Variants in EPB41L3 observed in about 807,000 individuals in gnomAD.
The protein encoded by EPB41L3 is band 4.1-like protein 3.
In EPB41L3, 57 loss-of-function variants were observed where a neutral mutation model predicts 127.1. The observed-to-expected ratio is 0.45, with a 90% CI of 0.36 to 0.56. EPB41L3 has a LOEUF of 0.56. Among genes scored for constraint, EPB41L3 ranks in the 20% least tolerant of loss-of-function variants. The pLI, the probability that EPB41L3 is intolerant of heterozygous loss-of-function variation, is 0.00. For synonymous variants in EPB41L3, 572 were observed against 549.5 expected (o/e 1.04, Z -0.57); for missense variants, 1,273 against 1,372.2 (o/e 0.93, Z 1.14).
At chr18:5,608,523 G>A (rs748960740) in intron 3 of EPB41L3, among the ~76,000 whole-genome samples, 8 of 152,112 alleles carry the variant, frequency 5.3e-5, no homozygotes, top group Non-Finnish European at 8.8e-5. Flanking sequence ...CTATTTTTAG[G>A]ATGAGAGATT....
At chr18:5,398,276 G>A (rs2073923798) in intron 16 of EPB41L3, 133 bp from the exon 17 acceptor site, 9 of 1,023,434 alleles carry the variant, frequency 8.8e-6, no homozygotes, top group Non-Finnish European at 1.3e-5. Flanking sequence ...GAATCTCAGA[G>A]TTTGGAAACG....
At chr18:5,586,489 T>C (rs2094443212) in intron 3 of EPB41L3, among the ~76,000 whole-genome samples, 1 of 151,802 alleles carries the variant, frequency 6.6e-6, no homozygotes, top group Middle Eastern at 3.2e-3. Flanking sequence ...AGCCTTGACC[T>C]TCTAGGCTTA....
At chr18:5,553,591 A>G (rs758035912) in intron 3 of EPB41L3, among the ~76,000 whole-genome samples, 1 of 152,226 alleles carries the variant, frequency 6.6e-6, no homozygotes, top group Non-Finnish European at 1.5e-5. Flanking sequence ...GCAGTCTACA[A>G]GTTAAGAGTT....
At position 5,611,776 on chromosome 18, in the gene EPB41L3, A is replaced by T. The variant is rs550541448; in HGVS notation, c.-306+564T>A. Among the ~76,000 whole-genome samples, 4 of 152,200 alleles carry T rather than the reference A, an allele frequency of 2.6e-5. No individual in the cohort carries two copies. In the East Asian group the frequency reaches 5.8e-4, roughly 22 times the overall value. The stretch of plus-strand genomic sequence containing the variant: ...GACACTGTCTCTACAAAAAATTTTT[A>T]AAAATTAGCCAGGCATGGTGGTGTG... On this transcript the variant is annotated intron_variant, in intron 3 of 21. Coordinates refer to the EPB41L3 transcript ENST00000545076.
At chr18:5,598,714 A>G (rs533976956) in intron 3 of EPB41L3, among the ~76,000 whole-genome samples, 1 of 152,330 alleles carries the variant, frequency 6.6e-6, no homozygotes, top group African/African-American at 2.4e-5. Flanking sequence ...CTGGAGAAGA[A>G]GAGGCAGAAA....
At chr18:5,435,859 A>C (rs565075999) in intron 6 of EPB41L3, among the ~76,000 whole-genome samples, 9,078 of 152,228 alleles carry the variant, frequency 0.06, 412 homozygotes, top group African/African-American at 0.13. Flanking sequence ...GTCTCTTTAT[A>C]ATAACACAAT....
chr18:5,458,244 C>A (rs2322098), intron 3 of EPB41L3, among the ~76,000 whole-genome samples: 4 of 151,874 alleles, frequency 2.6e-5, no homozygotes, highest in Non-Finnish European at 4.4e-5. Context: ...ACTTTATTCC[C>A]ACAAATGAAA....
chr18:5,531,731 CAAAAAAAAAA>C (rs57625472), intron 1 of EPB41L3, among the ~76,000 whole-genome samples: 27 of 67,834 alleles, frequency 4.0e-4, no homozygotes, highest in African/African-American at 1.3e-3. Context: ...GACCCTGTCT[CAAAAAAAAAA>C]AAAAAAAAAA....
At chr18:5,585,708 G>A (rs1027935999) in intron 3 of EPB41L3, among the ~76,000 whole-genome samples, 2 of 152,200 alleles carry the variant, frequency 1.3e-5, no homozygotes, top group African/African-American at 4.8e-5. Flanking sequence ...ACTGTGCTAT[G>A]GAGTTAGGGG....
chr18:5,546,446 C>T (rs1259866253), upstream of EPB41L3, among the ~76,000 whole-genome samples: 2 of 152,044 alleles, frequency 1.3e-5, no homozygotes, highest in Non-Finnish European at 2.9e-5. Context: ...CAGAGAATTG[C>T]TTGAACCTGA....
chr18:5,454,340 G>A (rs1038867807), intron 3 of EPB41L3, among the ~76,000 whole-genome samples: 14 of 151,986 alleles, frequency 9.2e-5, no homozygotes, highest in Non-Finnish European at 1.5e-4. Flanking sequence ...CTGGAGCTGG[G>A]AAGCCCTAAG....
chr18:5,593,757 C>T (rs1458780652), intron 3 of EPB41L3, among the ~76,000 whole-genome samples: 3 of 152,102 alleles, frequency 2.0e-5, no homozygotes, highest in Non-Finnish European at 2.9e-5. Flanking sequence ...CCAAGGGGGC[C>T]ATTTTAGAGG....
chr18:5,512,390 G>A (rs1438696801), intron 1 of EPB41L3, among the ~76,000 whole-genome samples: 1 of 152,168 alleles, frequency 6.6e-6, no homozygotes, highest in Non-Finnish European at 1.5e-5. Flanking sequence ...AATACAGCAA[G>A]GTGAAGAAAG....
At chr18:5,425,311 A>C (rs544348040) in intron 9 of EPB41L3, among the ~76,000 whole-genome samples, 4 of 152,154 alleles carry the variant, frequency 2.6e-5, no homozygotes, top group Non-Finnish European at 4.4e-5. Flanking sequence ...ACACATCACA[A>C]ATGCTTCAAC....
intron 1 of EPB41L3, among the ~76,000 whole-genome samples, chr18:5,505,567 C>G (rs1255745052): frequency 7.2e-6 from 1 of 138,776 alleles, no homozygotes; most frequent in African/African-American, 2.7e-5. Flanking sequence ...CTCTTACCCT[C>G]CCCACCATAC....
intron 3 of EPB41L3, among the ~76,000 whole-genome samples, chr18:5,600,281 T>G (rs2094576963): frequency 6.6e-6 from 1 of 152,146 alleles, no homozygotes; most frequent in Non-Finnish European, 1.5e-5. Context: ...GGATCTAAAT[T>G]CATTCACCAC....
intron 1 of EPB41L3, among the ~76,000 whole-genome samples, chr18:5,495,005 C>CA (rs1045239590): frequency 1.3e-5 from 2 of 152,224 alleles, no homozygotes; most frequent in Non-Finnish European, 2.9e-5. Flanking sequence ...AGGCCAAACT[C>CA]AGAGACCACA....
chr18:5,508,766 CAAAAAAAAAAAAA>C, intron 1 of EPB41L3, among the ~76,000 whole-genome samples: 1 of 52,588 alleles, frequency 1.9e-5, no homozygotes, highest in East Asian at 4.9e-4. Context: ...GACTCCATCT[CAAAAAAAAAAAAA>C]AAAAAAAAAG....
At chr18:5,522,190 G>A (rs1204275209) in intron 1 of EPB41L3, among the ~76,000 whole-genome samples, 3 of 151,992 alleles carry the variant, frequency 2.0e-5, no homozygotes, top group African/African-American at 4.8e-5. Flanking sequence ...TGCAACCTCC[G>A]CCTCCCAGGT....
Sources: allele counts gnomAD v4.1 joint callset (sites outside exome capture counted in the v4.1 genomes callset), GRCh38; gene constraint gnomAD v4.1.1; transcripts MANE v1.5; gene names NCBI Gene and HGNC (gene_info 2026-07-23, HGNC 2026-07-21).